The following RBFOX1 variants were observed in gnomAD, a reference collection of about 807,000 sequenced individuals.
RBFOX1 encodes the protein RNA binding fox-1 homolog 1.
Under a neutral mutation model 57.7 loss-of-function variants are expected in RBFOX1, and 8 were observed. The observed-to-expected ratio is 0.14, with a 90% CI of 0.08 to 0.25. RBFOX1 has a LOEUF of 0.25. Ranked by LOEUF, RBFOX1 falls within the 10% of genes least tolerant of loss-of-function variation. The pLI is 1.00. For synonymous variants in RBFOX1, 326 were observed against 222.4 expected (o/e 1.47, Z -4.15); for missense variants, 611 against 548.5 (o/e 1.11, Z -1.14).
intron 3 of RBFOX1, among the ~76,000 whole-genome samples, chr16:6,795,265 G>C (rs1376766754): frequency 6.6e-6 from 1 of 152,030 alleles, no homozygotes; most frequent in Non-Finnish European, 1.5e-5. Context: ...ACACAGTCAA[G>C]TCACCTTGAT....
At chr16:5,476,047 C>T (rs2069310721) in intron 2 of RBFOX1, among the ~76,000 whole-genome samples, 1 of 152,106 alleles carries the variant, frequency 6.6e-6, no homozygotes. Flanking sequence ...CAGGCTCCTC[C>T]CTGCCTTGTT....
intron 4 of RBFOX1, among the ~76,000 whole-genome samples, chr16:7,346,308 G>A (rs913097739): frequency 6.6e-6 from 1 of 151,862 alleles, no homozygotes; most frequent in Non-Finnish European, 1.5e-5. Flanking sequence ...GCAACGAGAC[G>A]TCTATAGAGT....
At position 6,336,181 on chromosome 16, in the gene RBFOX1, A is replaced by ATT. The variant is rs1156246510; in HGVS notation, c.-64+19158_-64+19159dup. Among the ~76,000 whole-genome samples, 58 of 27,022 alleles carry ATT rather than the reference A, an allele frequency of 2.1e-3. 5 individuals carry two copies. The highest frequency in any genetic ancestry group is 3.2e-3 in the Non-Finnish European group (51 of 15,706). The allele number at this position is 27,022 out of a possible 152,430, so 17.7% of individuals were successfully genotyped here. A position where few individuals can be genotyped will look rare whatever the true frequency, so the allele number is the denominator to read the frequency against. On this transcript the variant is annotated intron_variant, in intron 2 of 15. Transcript: ENST00000550418. ...TATATATATATATATATATATATAT[A>ATT]TTTTTTTTTTTTTTTTTTTTTTTTT...
chr16:5,894,643 T>C (rs1410623017), intron 4 of RBFOX1, among the ~76,000 whole-genome samples: 2 of 152,166 alleles, frequency 1.3e-5, no homozygotes, highest in Non-Finnish European at 2.9e-5. Flanking sequence ...TGAGTTTCCT[T>C]CTGAGCTCCC....
At chr16:6,871,704 C>G (rs549048687) in intron 3 of RBFOX1, among the ~76,000 whole-genome samples, 108 of 152,260 alleles carry the variant, frequency 7.1e-4, no homozygotes, top group South Asian at 6.4e-3. Context: ...AATCTATTCT[C>G]CATATACCAG....
At chr16:7,656,871 C>A (rs969818566) in intron 12 of RBFOX1, among the ~76,000 whole-genome samples, 7 of 152,088 alleles carry the variant, frequency 4.6e-5, no homozygotes, top group Admixed American at 6.6e-5. Flanking sequence ...CAGAAGGCAT[C>A]CCAGAAGAGA....
intron 2 of RBFOX1, among the ~76,000 whole-genome samples, chr16:5,552,527 G>C (rs574403637): frequency 6.6e-6 from 1 of 152,298 alleles, no homozygotes; most frequent in Admixed American, 6.5e-5. Flanking sequence ...ACCTAGTCAG[G>C]GGCAGAGAAG....
intron 1 of RBFOX1, among the ~76,000 whole-genome samples, chr16:5,453,880 T>A (rs2151572786): frequency 6.6e-6 from 1 of 152,348 alleles, no homozygotes; most frequent in Non-Finnish European, 1.5e-5. Context: ...TGTTATTTCT[T>A]TGCCTGCTGG....
At chr16:6,112,272 G>C (rs2096455018) in intron 1 of RBFOX1, among the ~76,000 whole-genome samples, 1 of 152,188 alleles carries the variant, frequency 6.6e-6, no homozygotes, top group Non-Finnish European at 1.5e-5. Context: ...AATCTTGTCA[G>C]TGTTAAATAA....
intron 4 of RBFOX1, among the ~76,000 whole-genome samples, chr16:5,870,049 T>C (rs1268782857): frequency 6.6e-6 from 1 of 151,700 alleles, no homozygotes; most frequent in Admixed American, 6.6e-5. Context: ...TAATATAATA[T>C]TATAAGAAAA....
intron 4 of RBFOX1, among the ~76,000 whole-genome samples, chr16:7,316,614 A>T (rs958872578): frequency 6.6e-6 from 1 of 152,178 alleles, no homozygotes; most frequent in Non-Finnish European, 1.5e-5. Context: ...TGAGCAAGTG[A>T]TCATCACATA....
intron 2 of RBFOX1, among the ~76,000 whole-genome samples, chr16:6,418,024 A>C (rs986296915): frequency 3.9e-5 from 6 of 152,236 alleles, no homozygotes; most frequent in Non-Finnish European, 8.8e-5. Flanking sequence ...TAAGAGACAC[A>C]GGCCAAGCCT....
At chr16:7,067,773 A>T (rs1259778258) in intron 4 of RBFOX1, among the ~76,000 whole-genome samples, 1 of 143,122 alleles carries the variant, frequency 7.0e-6, no homozygotes, top group African/African-American at 2.6e-5. Context: ...CCTATGAGTG[A>T]GAATATGTGT....
intron 3 of RBFOX1, among the ~76,000 whole-genome samples, chr16:5,789,986 A>G (rs866042915): frequency 7.2e-5 from 11 of 152,212 alleles, no homozygotes; most frequent in South Asian, 2.1e-4. Flanking sequence ...GGCTTCATGC[A>G]GGAAAAGTTT....
intron 3 of RBFOX1, among the ~76,000 whole-genome samples, chr16:5,624,006 A>G (rs1390838603): frequency 6.6e-6 from 1 of 152,148 alleles, no homozygotes; most frequent in Non-Finnish European, 1.5e-5. Context: ...TTTGCAGACT[A>G]TTTGATTTGA....
At chr16:6,785,646 C>T (rs1176368126) in intron 3 of RBFOX1, among the ~76,000 whole-genome samples, 2 of 152,112 alleles carry the variant, frequency 1.3e-5, no homozygotes, top group South Asian at 2.1e-4. Context: ...AAACACTTAC[C>T]TAATATTTAT....
chr16:7,269,181 C>T lies in RBFOX1; in HGVS notation c.27+217083C>T, dbSNP rs894313600. Among the ~76,000 whole-genome samples the T allele has an allele frequency of 2.7e-4, 41 of 151,710 alleles. 1 individual carries two copies. ...AACCAATGAGCAGTTTCCGGTTATT[C>T]CAGAATATACAGCACGTTGGTGACT... On this transcript the variant is annotated intron_variant, in intron 4 of 15. Transcript: ENST00000550418.
chr16:5,869,601 C>T (rs560203752), intron 4 of RBFOX1, among the ~76,000 whole-genome samples: 1 of 152,164 alleles, frequency 6.6e-6, no homozygotes, highest in South Asian at 2.1e-4. Context: ...GGGGTTTCAC[C>T]ATGTTGGCCA....
At chr16:6,654,305 A>T (rs1271083457) in intron 2 of RBFOX1, among the ~76,000 whole-genome samples, 3 of 152,226 alleles carry the variant, frequency 2.0e-5, no homozygotes, top group Non-Finnish European at 4.4e-5. Flanking sequence ...TGGAGGGCAG[A>T]TTATTTTATG....
Sources: allele counts gnomAD v4.1 joint callset (sites outside exome capture counted in the v4.1 genomes callset), GRCh38; gene constraint gnomAD v4.1.1; transcripts MANE v1.5; gene names NCBI Gene and HGNC (gene_info 2026-07-23, HGNC 2026-07-21).